CSMD1: variants seen among roughly 807,000 people sequenced by gnomAD.
The protein encoded by CSMD1 is CUB and Sushi multiple domains 1.
In CSMD1, 213 loss-of-function variants were observed where a neutral mutation model predicts 417.5. The ratio of observed to expected loss-of-function variants is 0.51; its 90% CI spans 0.46 to 0.57. The LOEUF (loss-of-function observed/expected upper bound fraction) is 0.57, where lower values mean the gene tolerates loss of function less well. Among genes scored for constraint, CSMD1 ranks in the 20% least tolerant of loss-of-function variants. CSMD1 has a pLI of 0.00. For missense variants in CSMD1, 6,923 were observed against 4,529.7 expected, an observed-to-expected ratio of 1.53 and a Z score of -15.17; for synonymous variants, 2,862 against 1,736.8, an observed-to-expected ratio of 1.65 and a Z score of -16.11.
intron 3 of CSMD1, among the ~76,000 whole-genome samples, chr8:4,373,981 C>T (rs189215645): frequency 2.4e-4 from 36 of 152,214 alleles, no homozygotes; most frequent in African/African-American, 6.0e-4. Flanking sequence ...ATACCATTAA[C>T]GGAAAAGCCA....
chr8:4,069,262 G>C (rs1799419967), intron 3 of CSMD1, among the ~76,000 whole-genome samples: 1 of 152,150 alleles, frequency 6.6e-6, no homozygotes, highest in Admixed American at 6.5e-5. Flanking sequence ...AAAGATTACT[G>C]TGAATTCTTT....
At chr8:3,645,386 T>G (rs573997710) in intron 7 of CSMD1, among the ~76,000 whole-genome samples, 2 of 152,272 alleles carry the variant, frequency 1.3e-5, no homozygotes, top group African/African-American at 4.8e-5. Context: ...CAGATTGGGG[T>G]TGAAGCTCGG....
At chr8:4,464,235 T>C (rs1800013348) in intron 2 of CSMD1, among the ~76,000 whole-genome samples, 1 of 152,116 alleles carries the variant, frequency 6.6e-6, no homozygotes, top group African/African-American at 2.4e-5. Flanking sequence ...CTCTTAACAT[T>C]CCCACATTAA....
At chr8:3,464,282 A>G (rs1209939331) in intron 12 of CSMD1, among the ~76,000 whole-genome samples, 1 of 152,166 alleles carries the variant, frequency 6.6e-6, no homozygotes, top group Non-Finnish European at 1.5e-5. Context: ...AAAACGTGGG[A>G]CCACTACAAT....
intron 1 of CSMD1, among the ~76,000 whole-genome samples, chr8:4,671,447 T>C (rs1257171080): frequency 6.6e-6 from 1 of 152,240 alleles, no homozygotes; most frequent in Non-Finnish European, 1.5e-5. Context: ...ACAAGTTTAT[T>C]GTGATAATTC....
chr8:3,187,447 C>T (rs1796128830), intron 36 of CSMD1, among the ~76,000 whole-genome samples: 1 of 152,144 alleles, frequency 6.6e-6, no homozygotes, highest in Non-Finnish European at 1.5e-5. Context: ...TGCCTGGCTA[C>T]ATATGAGTAG....
intron 8 of CSMD1, among the ~76,000 whole-genome samples, chr8:3,588,720 C>G (rs1800709782): frequency 6.6e-6 from 1 of 151,116 alleles, no homozygotes; most frequent in Non-Finnish European, 1.5e-5. Flanking sequence ...CAGGCAAAAA[C>G]AGACAAACGA....
intron 42 of CSMD1, among the ~76,000 whole-genome samples, chr8:3,114,237 C>G (rs1816717948): frequency 1.3e-5 from 2 of 151,980 alleles, no homozygotes; most frequent in African/African-American, 2.4e-5. Context: ...GCCTGAGACT[C>G]CATCTCAAAT....
intron 28 of CSMD1, among the ~76,000 whole-genome samples, chr8:3,221,194 G>A (rs1199552983): frequency 6.6e-6 from 1 of 152,162 alleles, no homozygotes; most frequent in Non-Finnish European, 1.5e-5. Context: ...GCAACGCCCA[G>A]CCTGCATTAT....
In CSMD1 at chr8:3,970,876, T is replaced by A. The variant is rs1310377895; in HGVS notation, c.818+27027A>T. 4.6e-5 allele frequency among the ~76,000 whole-genome samples: 7 copies of A among 152,194 alleles called. No individual in the cohort carries two copies. In the East Asian group the frequency reaches 1.4e-3, roughly 30 times the overall value. On this transcript the variant is annotated intron_variant, in intron 5 of 69. Coordinates refer to ENST00000635120, the MANE Select transcript of CSMD1 (RefSeq NM_033225.6). ...ACGCCATTCTCCTGCCTCAGCCTCC[T>A]GAGTAGCTGGGATTACAGGTGACTG... is the stretch of plus-strand genomic sequence containing the variant.
intron 3 of CSMD1, among the ~76,000 whole-genome samples, chr8:4,321,335 G>A (rs1454035511): frequency 2.6e-5 from 4 of 152,022 alleles, no homozygotes; most frequent in East Asian, 1.9e-4. Context: ...ATGGCCATAC[G>A]TCTTCTCTCC....
chr8:3,527,528 C>A (rs1380442994), intron 10 of CSMD1, among the ~76,000 whole-genome samples: 2 of 152,006 alleles, frequency 1.3e-5, no homozygotes, highest in Admixed American at 6.6e-5. Flanking sequence ...TGGGTGGTAT[C>A]TCGATTGTGG....
chr8:3,503,995 T>C (rs529441237), intron 10 of CSMD1, among the ~76,000 whole-genome samples: 5 of 152,110 alleles, frequency 3.3e-5, no homozygotes, highest in Non-Finnish European at 7.4e-5. Flanking sequence ...AAAGTCCAGC[T>C]AGATAGGTGC....
chr8:3,410,846 CT>C (rs1812656179), intron 12 of CSMD1, among the ~76,000 whole-genome samples: 1 of 152,052 alleles, frequency 6.6e-6, no homozygotes, highest in African/African-American at 2.4e-5. Flanking sequence ...TCGAGTGATC[CT>C]CCCACCTGAG....
rs1337042976 is a variant in CSMD1, at chr8:4,158,581, T to G, written c.416-126482A>C. 2.6e-5 allele frequency among the ~76,000 whole-genome samples: 4 copies of G among 152,172 alleles called. No individual in the cohort carries two copies. The East Asian group carries it at 7.7e-4, about 29-fold the overall frequency. On this transcript the variant is annotated intron_variant, in intron 3 of 69. Transcript: ENST00000635120. ...TAGGTTCACTATGACAGAACAGTCC[T>G]CGTTCCCCTCCTTCTTATTTTTCTG...
chr8:3,543,282 G>A (rs1183594712), intron 10 of CSMD1, among the ~76,000 whole-genome samples: 2 of 152,172 alleles, frequency 1.3e-5, no homozygotes, highest in African/African-American at 2.4e-5. Context: ...AGAGGACATC[G>A]GAGAACATTA....
Position 3,104,824 on chromosome 8 carries a change from C to T in CSMD1, c.6949+1704G>A, listed in dbSNP as rs373067463. The stretch of plus-strand genomic sequence containing the variant: ...CTGGGTTCAAGCAATTCTCCTGACT[C>T]AGCCACCTGAGTAGCTGGCATTACA... On this transcript the variant is annotated intron_variant, in intron 46 of 69. Transcript: ENST00000635120. Among the ~76,000 whole-genome samples the T allele has an allele frequency of 3.0e-4, 46 of 151,882 alleles. 1 individual carries two copies. The South Asian group carries it at 7.3e-3, about 24-fold the overall frequency.
intron 3 of CSMD1, among the ~76,000 whole-genome samples, chr8:4,083,426 C>G (rs1032749027): frequency 2.0e-5 from 3 of 152,118 alleles, no homozygotes; most frequent in Non-Finnish European, 2.9e-5. Context: ...CATCACGCCA[C>G]CTGACTTCAA....
intron 10 of CSMD1, among the ~76,000 whole-genome samples, chr8:3,502,510 A>G (rs1413582528): frequency 6.6e-6 from 1 of 152,208 alleles, no homozygotes; most frequent in Non-Finnish European, 1.5e-5. Context: ...ATATCCAGAC[A>G]GTGGAATATT....
Sources: allele counts gnomAD v4.1 joint callset (sites outside exome capture counted in the v4.1 genomes callset), GRCh38; gene constraint gnomAD v4.1.1; transcripts MANE v1.5; gene names NCBI Gene and HGNC (gene_info 2026-07-23, HGNC 2026-07-21).